Variants in EDEM2 observed in about 807,000 individuals in gnomAD.
The protein encoded by EDEM2 is ER degradation enhancing alpha-mannosidase like protein 2.
In EDEM2, 39 loss-of-function variants were observed where a neutral mutation model predicts 64.8. The ratio of observed to expected loss-of-function variants is 0.60; its 90% CI spans 0.47 to 0.79. EDEM2 has a LOEUF of 0.79. Ranked by LOEUF, EDEM2 falls within the 30% of genes least tolerant of loss-of-function variation. The probability of loss-of-function intolerance (pLI) is 0.00; values close to 1 mark genes in which losing one functional copy is unlikely to be tolerated. For synonymous variants in EDEM2, 296 were observed against 291.5 expected, an observed-to-expected ratio of 1.02 and a Z score of -0.16; for missense variants, 609 against 731.3, an observed-to-expected ratio of 0.83 and a Z score of 1.93.
chr20:35,131,154 T>A (rs1457577098), intron 7 of EDEM2, among the ~76,000 whole-genome samples: 5 of 152,230 alleles, frequency 3.3e-5, no homozygotes, highest in Non-Finnish European at 7.3e-5. Context: ...ATACACAGAA[T>A]GCAGCACGCT....
chr20:35,116,128 G>A (rs969030588), intron 10 of EDEM2, among the ~76,000 whole-genome samples, 195 bp from the exon 11 acceptor site: 6 of 152,080 alleles, frequency 3.9e-5, no homozygotes, highest in Admixed American at 2.0e-4. Flanking sequence ...GCTTCCAAAT[G>A]GGCTCCCAGC....
rs2085668920 is a variant in EDEM2 at position 35,142,430 on chromosome 20, C to T, written c.307G>A (p.Asp103Asn). The T allele has an allele frequency of 6.2e-7, 1 of 1,613,972 alleles. No individual in the cohort carries two copies. Among genetic ancestry groups the T allele is most frequent in the African/African-American group, 1.3e-5 (1 of 74,902 alleles). The change falls in exon 4 of 11, where the codon GAC (aspartate) becomes AAC (asparagine). Residue 103 changes from aspartate to asparagine, a missense_variant. By Grantham distance (23) the Asp-to-Asn change is conservative. Transcript: ENST00000374492. ...ACATCAATATCAAAGTCCACGCTGT[C>T]CTGGAGCACTTCAACCACTCTTTGG... ...EFQRVVEVLQ[D>N]SVDFDIDVNA...
At chr20:35,133,136 T>G (rs2085529071) in intron 6 of EDEM2, among the ~76,000 whole-genome samples, 1 of 144,588 alleles carries the variant, frequency 6.9e-6, no homozygotes, top group Non-Finnish European at 1.5e-5. Context: ...GAGCTCCAGC[T>G]TCGGAGTGAT....
At chr20:35,143,655 C>T (rs1600719194) in intron 3 of EDEM2, among the ~76,000 whole-genome samples, 1 of 152,332 alleles carries the variant, frequency 6.6e-6, no homozygotes, top group East Asian at 1.9e-4. Flanking sequence ...GCAGTCACTC[C>T]TGTGGTTTGG....
chr20:35,115,650 G>A lies in EDEM2; in HGVS notation c.1520C>T (p.Ser507Phe). The A allele has an allele frequency of 6.2e-7, 1 of 1,614,182 alleles. No individual in the cohort carries two copies. The highest frequency in any genetic ancestry group is 8.5e-7 in the Non-Finnish European group (1 of 1,180,032). Reference protein sequence around the residue: ...EVEDLMREFYSLKRSRSKFQK... With the variant: ...EVEDLMREFYFLKRSRSKFQK... ...AAATTTCGACCTGCTCCGTTTGAGA[G>A]AGTAGAATTCCCTCATCAAGTCCTC... Residue 507 changes from serine to phenylalanine, a missense_variant, in exon 11 of 11, where the codon TCT becomes TTT. Coordinates refer to ENST00000374492, the MANE Select transcript of EDEM2 (RefSeq NM_018217.3).
chr20:35,121,011 C>G (rs753216852), intron 9 of EDEM2, among the ~76,000 whole-genome samples: 1 of 152,200 alleles, frequency 6.6e-6, no homozygotes, highest in Non-Finnish European at 1.5e-5. Flanking sequence ...TCCTGTGCAT[C>G]TGACCAACTC....
chr20:35,120,146 T>C (rs2085351397), intron 9 of EDEM2, among the ~76,000 whole-genome samples: 1 of 152,112 alleles, frequency 6.6e-6, no homozygotes, highest in Admixed American at 6.5e-5. Context: ...TCACTGCAAC[T>C]CTGCCTCCTG....
At chr20:35,140,548 T>G (rs549281504) in intron 4 of EDEM2, among the ~76,000 whole-genome samples, 22 of 152,202 alleles carry the variant, frequency 1.4e-4, no homozygotes, top group African/African-American at 4.8e-4. Flanking sequence ...AGAACAAAAA[T>G]TATAATGTAT....
chr20:35,121,320 C>T (rs145482786), intron 9 of EDEM2, among the ~76,000 whole-genome samples: 131 of 152,314 alleles, frequency 8.6e-4, no homozygotes, highest in African/African-American at 3.0e-3. Flanking sequence ...AAGGAGCACA[C>T]AACCTAGATC....
intron 4 of EDEM2, among the ~76,000 whole-genome samples, chr20:35,139,854 A>G (rs1035410931): frequency 3.3e-5 from 5 of 152,060 alleles, no homozygotes; most frequent in East Asian, 1.9e-4. Context: ...TCCATAACAA[A>G]AAGTTTTTAA....
chr20:35,122,884 A>G (rs2085386119), intron 9 of EDEM2, among the ~76,000 whole-genome samples: 1 of 152,204 alleles, frequency 6.6e-6, no homozygotes, highest in Non-Finnish European at 1.5e-5. Flanking sequence ...CATGGCTAAA[A>G]GGCAATTCAG....
chr20:35,123,815 G>A lies in EDEM2; in HGVS notation c.1114+75C>T, dbSNP rs868241853. On this transcript the variant is annotated intron_variant, in intron 9 of 10. Transcript: ENST00000374492. Reference sequence around the variant, plus strand: ...AACTTGTGGGCAGTTGTGGAGGATGGAGCCTTGTAGAGGGGATTTGGGGTT... The same window carrying A: ...AACTTGTGGGCAGTTGTGGAGGATGAAGCCTTGTAGAGGGGATTTGGGGTT... 1.2e-5 allele frequency: 19 copies of A among 1,542,714 alleles called. No homozygotes were observed. The Middle Eastern group carries it at 1.2e-3, about 94-fold the overall frequency.
intron 2 of EDEM2, among the ~76,000 whole-genome samples, chr20:35,146,002 C>CAAA (rs138113879): frequency 1.4e-3 from 113 of 82,634 alleles, no homozygotes; most frequent in African/African-American, 3.3e-3. Context: ...AACTCCATCT[C>CAAA]AAAAAAAAAA....
intron 8 of EDEM2, among the ~76,000 whole-genome samples, chr20:35,124,247 T>C (rs1180538940): frequency 2.6e-5 from 4 of 152,108 alleles, no homozygotes; most frequent in South Asian, 2.1e-4. Context: ...TCATGCATTG[T>C]TGGAAGGAAC....
At chr20:35,135,820 C>T (rs1167620300) in intron 5 of EDEM2, among the ~76,000 whole-genome samples, 1 of 152,136 alleles carries the variant, frequency 6.6e-6, no homozygotes, top group Non-Finnish European at 1.5e-5. Context: ...GAAAACCATG[C>T]CTGTAAAGAA....
intron 9 of EDEM2, among the ~76,000 whole-genome samples, chr20:35,123,618 T>C (rs564844063): frequency 6.6e-6 from 1 of 151,936 alleles, no homozygotes; most frequent in Non-Finnish European, 1.5e-5. Flanking sequence ...AAAAAGAGCA[T>C]GCAATTTAGT....
At chr20:35,135,189 G>A (rs971756182) in intron 5 of EDEM2, among the ~76,000 whole-genome samples, 1 of 152,274 alleles carries the variant, frequency 6.6e-6, no homozygotes, top group South Asian at 2.1e-4. Flanking sequence ...GAGGGGGCAG[G>A]GAGCAGGCTG....
intron 5 of EDEM2, among the ~76,000 whole-genome samples, chr20:35,135,667 T>TAATAAC (rs2085566364): frequency 6.6e-6 from 1 of 151,824 alleles, no homozygotes; most frequent in African/African-American, 2.4e-5. Flanking sequence ...ATAATAATAA[T>TAATAAC]AAACAAAGCC....
chr20:35,124,729 G>C (rs1354039938), intron 8 of EDEM2, among the ~76,000 whole-genome samples: 3 of 151,990 alleles, frequency 2.0e-5, no homozygotes, highest in Non-Finnish European at 4.4e-5. Context: ...ATGAGTATAT[G>C]TTATTTTCCC....
Sources: gnomAD v4.1 joint callset for allele counts (sites outside exome capture counted in the v4.1 genomes callset) on GRCh38, gnomAD v4.1.1 for gene constraint, MANE v1.5 for transcripts, NCBI Gene and HGNC (gene_info 2026-07-23, HGNC 2026-07-21) for gene names.